CTNND2: variants seen among roughly 807,000 people sequenced by gnomAD.
CTNND2 encodes the protein catenin delta-2.
In CTNND2, 22 loss-of-function variants were observed where a neutral mutation model predicts 144.4. The ratio of observed to expected loss-of-function variants is 0.15; its 90% CI spans 0.11 to 0.22. The LOEUF (loss-of-function observed/expected upper bound fraction) is 0.22, where lower values mean the gene tolerates loss of function less well. Ranked by LOEUF, CTNND2 falls within the 10% of genes least tolerant of loss-of-function variation. The probability of loss-of-function intolerance (pLI) is 1.00; values close to 1 mark genes in which losing one functional copy is unlikely to be tolerated. For synonymous variants in CTNND2, 751 were observed against 695.6 expected (o/e 1.08, Z -1.25); for missense variants, 1,353 against 1,618.8 (o/e 0.84, Z 2.82).
At position 11,295,030 on chromosome 5, in the gene CTNND2, C is replaced by G. The variant is rs550439776; in HGVS notation, c.1628+51342G>C. Among the ~76,000 whole-genome samples, 7 of 152,184 alleles carry G rather than the reference C, an allele frequency of 4.6e-5. No homozygotes were observed. The East Asian group carries it at 5.8e-4, about 13-fold the overall frequency. On this transcript the variant is annotated intron_variant, in intron 9 of 21. Transcript: ENST00000304623. ...TAAAGGGTATTCAAGTAGGAAAAGA[C>G]GAAGTCAAATTGTCCCTGTTTGCAG...
At chr5:11,752,044 C>A (rs1209331072) in intron 1 of CTNND2, among the ~76,000 whole-genome samples, 1 of 151,828 alleles carries the variant, frequency 6.6e-6, no homozygotes, top group Non-Finnish European at 1.5e-5. Flanking sequence ...CTTTGGGCCA[C>A]ATTTTAATGG....
At chr5:11,083,949 C>A in intron 15 of CTNND2, 1 of 1,125,142 alleles carries the variant, frequency 8.9e-7, no homozygotes, top group South Asian at 1.8e-5. Flanking sequence ...ACATCCTCAG[C>A]CCAGCCCTGC....
intron 9 of CTNND2, among the ~76,000 whole-genome samples, chr5:11,263,287 T>A (rs1745101075): frequency 6.6e-6 from 1 of 152,220 alleles, no homozygotes; most frequent in Non-Finnish European, 1.5e-5. Flanking sequence ...ATTTCAAATA[T>A]GAAATGCATC....
At chr5:11,776,101 C>G (rs1474565100) in intron 1 of CTNND2, among the ~76,000 whole-genome samples, 1 of 152,110 alleles carries the variant, frequency 6.6e-6, no homozygotes, top group Non-Finnish European at 1.5e-5. Flanking sequence ...CTTCCAGCCT[C>G]CAGAACTGAA....
intron 1 of CTNND2, among the ~76,000 whole-genome samples, chr5:11,772,004 T>C (rs907684995): frequency 6.6e-6 from 1 of 152,172 alleles, no homozygotes; most frequent in Admixed American, 6.5e-5. Context: ...AGTTACTTCA[T>C]TGTTTTATGA....
chr5:11,557,058 T>C (rs1187546386), intron 3 of CTNND2, among the ~76,000 whole-genome samples: 2 of 152,190 alleles, frequency 1.3e-5, no homozygotes, highest in Non-Finnish European at 2.9e-5. Context: ...AAATAGGGTA[T>C]ATATATTAAA....
At chr5:11,389,232 G>A (rs758852921) in intron 6 of CTNND2, among the ~76,000 whole-genome samples, 14 of 152,146 alleles carry the variant, frequency 9.2e-5, no homozygotes, top group African/African-American at 4.8e-5. Flanking sequence ...ACCCATTTAC[G>A]AGAAATGGAC....
At chr5:11,260,539 A>G (rs1744755048) in intron 9 of CTNND2, among the ~76,000 whole-genome samples, 1 of 152,236 alleles carries the variant, frequency 6.6e-6, no homozygotes, top group Non-Finnish European at 1.5e-5. Context: ...TTATATGGCT[A>G]TAACAGAAAA....
At chr5:11,884,024 GTTGT>G (rs2127081200) in intron 1 of CTNND2, among the ~76,000 whole-genome samples, 1 of 152,030 alleles carries the variant, frequency 6.6e-6, no homozygotes, top group African/African-American at 2.4e-5. Flanking sequence ...TTTTGATGGG[GTTGT>G]TTTTTTCTTG....
At chr5:11,720,857 A>G (rs1417180505) in intron 2 of CTNND2, among the ~76,000 whole-genome samples, 1 of 152,194 alleles carries the variant, frequency 6.6e-6, no homozygotes, top group Non-Finnish European at 1.5e-5. Context: ...AAGTGTTGGC[A>G]AGGATGTGAA....
intron 9 of CTNND2, among the ~76,000 whole-genome samples, chr5:11,302,058 T>C (rs10056698): frequency 0.054 from 8,167 of 152,150 alleles, 685 homozygotes; most frequent in African/African-American, 0.18. Flanking sequence ...AGCTGAGAGG[T>C]AACTGTCGAA....
At chr5:11,405,231 AATG>A (rs1021699999) in intron 5 of CTNND2, among the ~76,000 whole-genome samples, 9 of 152,168 alleles carry the variant, frequency 5.9e-5, no homozygotes, top group African/African-American at 2.2e-4. Flanking sequence ...CTCAAGTGGG[AATG>A]ATGTCTTTAA....
chr5:11,629,516 T>A (rs1242729598), intron 2 of CTNND2, among the ~76,000 whole-genome samples: 1 of 152,064 alleles, frequency 6.6e-6, no homozygotes, highest in South Asian at 2.1e-4. Flanking sequence ...ACATATCAAA[T>A]AAAAACTACC....
chr5:11,064,873 T>C (rs1747387119), intron 16 of CTNND2, among the ~76,000 whole-genome samples: 1 of 152,212 alleles, frequency 6.6e-6, no homozygotes, highest in African/African-American at 2.4e-5. Flanking sequence ...TTAGACTAAC[T>C]GGGATTTTAG....
chr5:11,679,792 C>A (rs1043383424), intron 2 of CTNND2, among the ~76,000 whole-genome samples: 1 of 152,180 alleles, frequency 6.6e-6, no homozygotes, highest in African/African-American at 2.4e-5. Context: ...ATATTAGTAA[C>A]GTATCCTGTT....
intron 11 of CTNND2, among the ~76,000 whole-genome samples, chr5:11,168,048 T>C (rs1465340114): frequency 6.6e-6 from 1 of 152,122 alleles, no homozygotes; most frequent in African/African-American, 2.4e-5. Context: ...ACCTTCACTT[T>C]TGTTTTCAGA....
intron 2 of CTNND2, among the ~76,000 whole-genome samples, chr5:11,640,237 C>T (rs755742572): frequency 2.6e-5 from 4 of 152,154 alleles, no homozygotes. Context: ...GAAGGAAATA[C>T]ATATGAGTAA....
chr5:11,466,938 C>T (rs1028745584), intron 3 of CTNND2, among the ~76,000 whole-genome samples: 8 of 152,244 alleles, frequency 5.3e-5, no homozygotes, highest in African/African-American at 1.9e-4. Flanking sequence ...GAAATCTGTG[C>T]TATGCCAATC....
intron 2 of CTNND2, among the ~76,000 whole-genome samples, chr5:11,599,308 A>T (rs1432569961): frequency 6.6e-6 from 1 of 152,194 alleles, no homozygotes; most frequent in African/African-American, 2.4e-5. Context: ...AAACTAAAAA[A>T]AATTAATAAT....
Sources: allele counts gnomAD v4.1 joint callset (sites outside exome capture counted in the v4.1 genomes callset), GRCh38; gene constraint gnomAD v4.1.1; transcripts MANE v1.5; gene names NCBI Gene and HGNC (gene_info 2026-07-23, HGNC 2026-07-21).